BPTF: variants seen among roughly 807,000 people sequenced by gnomAD.
The protein encoded by BPTF is bromodomain PHD finger transcription factor.
Under a neutral mutation model 292.5 loss-of-function variants are expected in BPTF, and 18 were observed. That is an observed-to-expected ratio of 0.06 (90% CI 0.04 to 0.09). BPTF has a LOEUF of 0.09. Among genes scored for constraint, BPTF ranks in the 10% least tolerant of loss-of-function variants. The pLI is 1.00. For missense variants in BPTF, 2,726 were observed against 3,498.7 expected (o/e 0.78, Z 5.57); for synonymous variants, 1,225 against 1,251.9 (o/e 0.98, Z 0.45).
intron 3 of BPTF, among the ~76,000 whole-genome samples, chr17:67,868,431 T>C (rs2059515124): frequency 6.6e-6 from 1 of 152,182 alleles, no homozygotes; most frequent in African/African-American, 2.4e-5. Context: ...GATGCCCAAG[T>C]CCTGCAGTCA....
chr17:67,979,423 T>G (rs1321755981), intron 27 of BPTF, among the ~76,000 whole-genome samples: 2 of 151,782 alleles, frequency 1.3e-5, no homozygotes, highest in East Asian at 3.9e-4. Flanking sequence ...TGCACATGCC[T>G]GTAATCCCAG....
At chr17:67,889,836 C>T (rs1301845237) in intron 4 of BPTF, among the ~76,000 whole-genome samples, 2 of 151,816 alleles carry the variant, frequency 1.3e-5, no homozygotes, top group African/African-American at 4.8e-5. Flanking sequence ...CCTCCATGAT[C>T]TGAGACCCAA....
intron 18 of BPTF, among the ~76,000 whole-genome samples, chr17:67,935,191 A>C (rs549996415): frequency 6.6e-6 from 1 of 152,320 alleles, no homozygotes; most frequent in South Asian, 2.1e-4. Context: ...TGGGAGACTA[A>C]GGCAGTCAGA....
intron 1 of BPTF, among the ~76,000 whole-genome samples, chr17:67,830,425 C>T (rs575239829): frequency 6.6e-6 from 1 of 152,218 alleles, no homozygotes; most frequent in Admixed American, 6.5e-5. Flanking sequence ...CAAATTCAAG[C>T]AGAATTTGTC....
At chr17:67,893,136 T>C (rs941597900) in intron 5 of BPTF, 10 of 517,514 alleles carry the variant, frequency 1.9e-5, no homozygotes, top group Middle Eastern at 5.3e-4. Context: ...GTATCTGACA[T>C]GTAATAGGTA....
chr17:67,911,477 G>T lies in BPTF; in HGVS notation c.3593G>T (p.Ser1198Ile), dbSNP rs1490155510. ...DIEEKVSDLA[S>I]RGQEPSKSKT... ...GAAGAAAAAGTCTCTGACCTTGCCA[G>T]TAGAGGCCAGGAACCCAGTAAGAGT... The change falls in exon 11 of 28, where the codon AGT becomes ATT. Residue 1198 changes from serine (S) to isoleucine (I), a missense_variant. This residue lies in a region of BPTF where 713 missense variants were observed against 714.9 expected (regional missense o/e 1.00). Coordinates refer to ENST00000306378, the MANE Select transcript of BPTF (RefSeq NM_182641.4). 2 of 1,613,956 alleles carry T rather than the reference G, an allele frequency of 1.2e-6. No individual in the cohort carries two copies. Among genetic ancestry groups the T allele is most frequent in the Non-Finnish European group, 1.7e-6 (2 of 1,180,012 alleles).
At chr17:67,864,434 A>G (rs1275603026) in intron 2 of BPTF, among the ~76,000 whole-genome samples, 1 of 150,760 alleles carries the variant, frequency 6.6e-6, no homozygotes, top group African/African-American at 2.4e-5. Flanking sequence ...AGGCTGAGGC[A>G]TGAGAAGTGC....
At chr17:67,946,786 T>C (rs1281852751) in intron 21 of BPTF, among the ~76,000 whole-genome samples, 1 of 152,210 alleles carries the variant, frequency 6.6e-6, no homozygotes, top group African/African-American at 2.4e-5. Context: ...AACATATTAT[T>C]TCATAGCTTA....
At chr17:67,843,163 TATATAGATAC>T in intron 1 of BPTF, among the ~76,000 whole-genome samples, 1 of 148,894 alleles carries the variant, frequency 6.7e-6, no homozygotes, top group African/African-American at 2.4e-5. Flanking sequence ...TATATCTACA[TATATAGATAC>T]ATATAGATAT....
At position 67,945,962 on chromosome 17, in the gene BPTF, A is replaced by C; in HGVS notation, c.7254A>C (p.Pro2418=). Residue 2418 remains proline, a synonymous_variant, in exon 21 of 28, where the codon CCA becomes CCC. Transcript: ENST00000306378. ...TAAATCAAGTTACTGTTTCATCCCC[A>C]TCCCGTCCTCAGCTACAAATACAGC... ...QTLNQVTVSS[P]SRPQLQIQQP... The C allele has an allele frequency of 1.2e-6, 2 of 1,614,130 alleles. No individual in the cohort carries two copies. Among genetic ancestry groups the C allele is most frequent in the Non-Finnish European group, 1.7e-6 (2 of 1,180,032 alleles).
chr17:67,841,657 C>T (rs2057565523), intron 1 of BPTF, among the ~76,000 whole-genome samples: 1 of 152,114 alleles, frequency 6.6e-6, no homozygotes, highest in African/African-American at 2.4e-5. Context: ...CCACCTCACC[C>T]TCCCAAAATG....
At chr17:67,953,571 T>G (rs1568165749) in intron 23 of BPTF, among the ~76,000 whole-genome samples, 1 of 101,262 alleles carries the variant, frequency 9.9e-6, no homozygotes, top group Non-Finnish European at 2.0e-5. Context: ...CAAATTGTTC[T>G]ATAATTTTTT....
At chr17:67,938,253 A>G (rs971685274) in intron 18 of BPTF, among the ~76,000 whole-genome samples, 1 of 152,208 alleles carries the variant, frequency 6.6e-6, no homozygotes, top group Non-Finnish European at 1.5e-5. Flanking sequence ...TATGATGGCA[A>G]TGTATCTGTA....
intron 17 of BPTF, among the ~76,000 whole-genome samples, chr17:67,930,079 A>ACACTCTAG (rs1323063963): frequency 6.6e-6 from 1 of 150,498 alleles, no homozygotes. Flanking sequence ...TTGTGCCACC[A>ACACTCTAG]CACTCTAGCC....
chr17:67,969,525 T>A (rs2068531233), intron 26 of BPTF, among the ~76,000 whole-genome samples: 1 of 140,546 alleles, frequency 7.1e-6, no homozygotes, highest in South Asian at 2.3e-4. Flanking sequence ...GTGTTAAAAT[T>A]CATATCATAC....
At chr17:67,885,682 T>C (rs1187676068) in intron 4 of BPTF, among the ~76,000 whole-genome samples, 1 of 152,244 alleles carries the variant, frequency 6.6e-6, no homozygotes, top group Non-Finnish European at 1.5e-5. Context: ...ATAATCCTGC[T>C]TAATTCTGTT....
chr17:67,953,241 G>A (rs2066557534), intron 23 of BPTF, among the ~76,000 whole-genome samples: 2 of 149,430 alleles, frequency 1.3e-5, no homozygotes, highest in Admixed American at 6.7e-5. Flanking sequence ...GATTACAGGC[G>A]TGAGCCACCG....
intron 27 of BPTF, 72 bp from the exon 28 acceptor site, chr17:67,982,180 C>A: frequency 1.5e-6 from 2 of 1,361,876 alleles, no homozygotes; most frequent in Non-Finnish European, 2.1e-6. Context: ...CTGACCTTGG[C>A]ATCCGCATAA....
intron 1 of BPTF, among the ~76,000 whole-genome samples, chr17:67,843,116 ATG>A (rs1359736553): frequency 6.6e-6 from 1 of 150,706 alleles, no homozygotes; most frequent in Non-Finnish European, 1.5e-5. Flanking sequence ...ATGTAGATGT[ATG>A]TAGATATATA....
Sources: allele counts gnomAD v4.1 joint callset (sites outside exome capture counted in the v4.1 genomes callset), GRCh38; gene constraint gnomAD v4.1.1; regional missense constraint gnomAD v4.1.1; transcripts MANE v1.5; gene names NCBI Gene and HGNC (gene_info 2026-07-23, HGNC 2026-07-21).